The following KICS2 variants were observed in gnomAD, a reference collection of about 807,000 sequenced individuals.
KICS2 encodes KICSTOR subunit 2, also known as KICSTOR complex protein C12orf66.
KICS2 carries 13 observed loss-of-function variants against 31.4 expected under a neutral mutation model. That is an observed-to-expected ratio of 0.41 (90% CI 0.27 to 0.66). The LOEUF is 0.66. KICS2 is among the 30% of genes least tolerant of loss of function. The pLI is 0.28. For missense variants in KICS2, 455 were observed against 545.4 expected (o/e 0.83, Z 1.65); for synonymous variants, 209 against 214.8 (o/e 0.97, Z 0.24).
intron 2 of KICS2, among the ~76,000 whole-genome samples, chr12:64,195,711 T>C (rs1292621454): frequency 6.6e-6 from 1 of 152,064 alleles, no homozygotes; most frequent in Non-Finnish European, 1.5e-5. Flanking sequence ...CACTAGGGAG[T>C]GCCAGACAGT....
rs1353486646 is a variant in KICS2, at chr12:64,214,228, C to G, written c.521+1450G>C. Among the ~76,000 whole-genome samples the G allele has an allele frequency of 5.9e-5, 9 of 152,320 alleles. No homozygotes were observed. In the South Asian group the frequency reaches 1.9e-3, roughly 32 times the overall value. On this transcript the variant is annotated intron_variant, in intron 2 of 2. Transcript: ENST00000398055. ...ACATCTATTCAGCATCTACTATGTG[C>G]TAGGTTCTGTTCCAGGTGCTAAAAG...
chr12:64,219,405 C>T (rs1433777387), intron 1 of KICS2, among the ~76,000 whole-genome samples: 1 of 152,144 alleles, frequency 6.6e-6, no homozygotes, highest in African/African-American at 2.4e-5. Context: ...AGAGAAGGAA[C>T]CAAGATAAGG....
At chr12:64,219,004 T>C (rs1203116759) in intron 1 of KICS2, among the ~76,000 whole-genome samples, 1 of 152,132 alleles carries the variant, frequency 6.6e-6, no homozygotes, top group Non-Finnish European at 1.5e-5. Context: ...ATCAGAAACA[T>C]CCAACTTCTT....
rs2037625324 is a variant in KICS2, at chr12:64,216,003, G to A, written c.236-40C>T. The A allele has an allele frequency of 4.5e-6, 7 of 1,552,620 alleles. No individual in the cohort carries two copies. The African/African-American group carries it at 9.7e-5, about 22-fold the overall frequency. ...ACATAAGCACATGACAAGTAAGAAG[G>A]AGAAACCGTAAGTACCAAACACCTA... On this transcript the variant is annotated intron_variant, in intron 1 of 2. Coordinates refer to ENST00000398055, the MANE Select transcript of KICS2 (RefSeq NM_152440.5).
chr12:64,203,353 GAAGCGC>G (rs2037507850), intron 2 of KICS2, among the ~76,000 whole-genome samples: 1 of 152,178 alleles, frequency 6.6e-6, no homozygotes, highest in East Asian at 1.9e-4. Flanking sequence ...TCTCTTCTGA[GAAGCGC>G]CTAGTGGCTG....
chr12:64,205,455 ACAACTCGTAT>A (rs1044231358), intron 2 of KICS2, among the ~76,000 whole-genome samples: 2 of 152,174 alleles, frequency 1.3e-5, no homozygotes, highest in Admixed American at 1.3e-4. Flanking sequence ...ATAGCTATTC[ACAACTCGTAT>A]CATAGGAGGC....
chr12:64,203,257 G>T (rs1378395310), intron 2 of KICS2, among the ~76,000 whole-genome samples: 1 of 152,198 alleles, frequency 6.6e-6, no homozygotes, highest in Non-Finnish European at 1.5e-5. Flanking sequence ...TGCTGGTTAT[G>T]GGCTGAACGA....
In KICS2 at chr12:64,194,107, A is replaced by C; in HGVS notation, c.1073T>G (p.Val358Gly). Residue 358 changes from valine to glycine, a missense_variant, in exon 3 of 3, where the codon GTC (valine) becomes GGC (glycine). By Grantham distance (109) the Val-to-Gly change is moderately radical (BLOSUM62 -3). Transcript: ENST00000398055. Reference protein sequence around the residue: ...AVVSLPSDRPVMHWPNVIMIM... With the variant: ...AVVSLPSDRPGMHWPNVIMIM... ...CATGATGACATTGGGCCAGTGCATG[A>C]CTGGCCTGTCGCTGGGCAGAGACAC... is the stretch of plus-strand genomic sequence containing the variant. The C allele has an allele frequency of 6.2e-7, 1 of 1,614,158 alleles. No homozygotes were observed. Among genetic ancestry groups the C allele is most frequent in the Non-Finnish European group, 8.5e-7 (1 of 1,180,034 alleles).
At chr12:64,187,268 A>G (rs1033271677), downstream of KICS2, 1 of 240,000 alleles carries the variant, frequency 4.2e-6, no homozygotes, top group African/African-American at 2.2e-5. Flanking sequence ...ATCTTTCAGG[A>G]TGCAGTCCCA....
chr12:64,208,108 C>T (rs2037555734), intron 2 of KICS2, among the ~76,000 whole-genome samples: 1 of 152,200 alleles, frequency 6.6e-6, no homozygotes, highest in Non-Finnish European at 1.5e-5. Flanking sequence ...CTCCCGGGCT[C>T]AGGTGATACT....
intron 2 of KICS2, among the ~76,000 whole-genome samples, chr12:64,208,281 T>G (rs1169968561): frequency 6.6e-6 from 1 of 152,254 alleles, no homozygotes; most frequent in Non-Finnish European, 1.5e-5. Flanking sequence ...AGTGCTGGGA[T>G]TACACGCATT....
downstream of KICS2, chr12:64,187,574 C>T (rs1192420396): frequency 3.2e-5 from 47 of 1,477,850 alleles, no homozygotes; most frequent in Non-Finnish European, 3.8e-5. Flanking sequence ...CCTATTTCTT[C>T]TGACTCATTT....
Position 64,193,287 on chromosome 12 carries a change from T to C in KICS2, c.*555A>G. The C allele has an allele frequency of 1.0e-6, 1 of 985,902 alleles. No individual in the cohort carries two copies. The highest frequency in any genetic ancestry group is 1.2e-6 in the Non-Finnish European group (1 of 830,292). 61.1% of individuals were successfully genotyped at this position (985,902 alleles called of 1,614,324 possible). ...CAATCTGACTCACTTTCAGTTTCAA[T>C]AACTGATAGAAATTTCTTACCAAGA... On this transcript the variant is annotated 3_prime_UTR_variant, in exon 3 of 3. Coordinates refer to ENST00000398055, the MANE Select transcript of KICS2 (RefSeq NM_152440.5).
At chr12:64,215,081 G>A (rs765093197) in intron 2 of KICS2, among the ~76,000 whole-genome samples, 3 of 151,864 alleles carry the variant, frequency 2.0e-5, no homozygotes, top group Non-Finnish European at 4.4e-5. Context: ...GAAGACGGGT[G>A]GATCACTTGA....
chr12:64,208,042 C>G (rs1366908508), intron 2 of KICS2, among the ~76,000 whole-genome samples: 1 of 152,174 alleles, frequency 6.6e-6, no homozygotes, highest in Non-Finnish European at 1.5e-5. Flanking sequence ...CTCTCTCTCA[C>G]TCTGTTGCCT....
chr12:64,203,235 A>G (rs990972086), intron 2 of KICS2, among the ~76,000 whole-genome samples: 11 of 152,218 alleles, frequency 7.2e-5, no homozygotes, highest in Non-Finnish European at 1.2e-4. Context: ...TCTCTGCCTC[A>G]TTGATTCTGC....
intron 1 of KICS2, 136 bp downstream of exon 1, chr12:64,221,867 G>A: frequency 1.0e-6 from 1 of 978,080 alleles, no homozygotes; most frequent in Non-Finnish European, 1.5e-6. Flanking sequence ...AGGAACGGTG[G>A]GAGGAGATCT....
chr12:64,208,596 A>G (rs1051534070), intron 2 of KICS2, among the ~76,000 whole-genome samples: 2 of 152,214 alleles, frequency 1.3e-5, no homozygotes, highest in Non-Finnish European at 2.9e-5. Flanking sequence ...ATCATCAAAA[A>G]TCTTTTTTTG....
downstream of KICS2, chr12:64,186,364 A>G (rs1041760710): frequency 6.6e-6 from 1 of 152,236 alleles, no homozygotes; most frequent in African/African-American, 2.4e-5. Flanking sequence ...GTTAAGCAAA[A>G]AATAAATTCA....
Sources: allele counts gnomAD v4.1 joint callset (sites outside exome capture counted in the v4.1 genomes callset), GRCh38; gene constraint gnomAD v4.1.1; transcripts MANE v1.5; gene names NCBI Gene and HGNC (gene_info 2026-07-23, HGNC 2026-07-21).